The following DOCK10 variants were observed in gnomAD, a reference collection of about 807,000 sequenced individuals.
DOCK10 encodes the protein dedicator of cytokinesis 10, also known as dedicator of cytokinesis protein 10.
In DOCK10, 145 loss-of-function variants were observed where a neutral mutation model predicts 280.1. That is an observed-to-expected ratio of 0.52 (90% CI 0.45 to 0.59). The LOEUF is 0.59. Among genes scored for constraint, DOCK10 ranks in the 20% least tolerant of loss-of-function variants. DOCK10 has a pLI of 0.00. For synonymous variants in DOCK10, 915 were observed against 942.2 expected (o/e 0.97, Z 0.53); for missense variants, 2,368 against 2,651.7 (o/e 0.89, Z 2.35).
chr2:224,852,425 C>T lies in DOCK10; in HGVS notation c.2094G>A (p.Val698=). ...CATCTGAATTTTTGAATTCAATGCA[C>T]ACAGTTATATTCCGTGCCTGAAATT... The part of the protein sequence containing the change: ...KCFNKARNIT[V]CIEFKNSDEE... The change falls in exon 18 of 56, where the codon GTG becomes GTA. Residue 698 remains valine (V), a synonymous_variant. Transcript: ENST00000258390. 1 of 1,568,168 alleles carries T rather than the reference C, an allele frequency of 6.4e-7. No individual in the cohort carries two copies. The highest frequency in any genetic ancestry group is 8.7e-7 in the Non-Finnish European group (1 of 1,155,336).
intron 1 of DOCK10, among the ~76,000 whole-genome samples, chr2:224,936,488 G>A (rs544096019): frequency 7.5e-4 from 114 of 152,212 alleles, no homozygotes; most frequent in African/African-American, 2.6e-3. Context: ...GCACCAACTA[G>A]CTAAAAATGA....
chr2:224,977,496 G>T (rs1705506597), intron 1 of DOCK10, among the ~76,000 whole-genome samples: 1 of 152,108 alleles, frequency 6.6e-6, no homozygotes, highest in East Asian at 1.9e-4. Flanking sequence ...GGAAATAATA[G>T]ACATTAACCA....
intron 1 of DOCK10, among the ~76,000 whole-genome samples, chr2:224,974,818 T>A (rs1420675578): frequency 2.3e-5 from 3 of 129,182 alleles, no homozygotes; most frequent in South Asian, 2.5e-4. Context: ...ATTATATATA[T>A]AATATATATA....
At chr2:224,768,530 T>C (rs1490299834) in intron 55 of DOCK10, among the ~76,000 whole-genome samples, 1 of 152,226 alleles carries the variant, frequency 6.6e-6, no homozygotes, top group South Asian at 2.1e-4. Flanking sequence ...AGAGATGATT[T>C]TTCTCTCCCC....
intron 30 of DOCK10, among the ~76,000 whole-genome samples, chr2:224,815,120 T>G (rs1694043588): frequency 6.6e-6 from 1 of 152,134 alleles, no homozygotes; most frequent in Non-Finnish European, 1.5e-5. Context: ...GTTTCCCCCG[T>G]GCTGTTCTCA....
intron 1 of DOCK10, among the ~76,000 whole-genome samples, chr2:225,009,481 A>T (rs1689371882): frequency 6.6e-6 from 1 of 152,204 alleles, no homozygotes; most frequent in African/African-American, 2.4e-5. Context: ...TTTTGCAATT[A>T]TTCTTCATGC....
At position 224,864,675 on chromosome 2, in the gene DOCK10, C is replaced by T. The variant is rs1040735843; in HGVS notation, c.1480G>A (p.Ala494Thr). 2.5e-6 allele frequency: 4 copies of T among 1,605,938 alleles called. No homozygotes were observed. The highest frequency in any genetic ancestry group is 1.1e-5 in the South Asian group (1 of 89,058). ...TGTGGATTGCTTACAGAAAATACAG[C>T]CTGTGTACAAAGAAAGCAGCTAATA... ...PEEWLKFPKQ[A>T]VFSVSNPHSE... Residue 494 changes from alanine (A) to threonine (T), a missense_variant and splice_region_variant, in exon 13 of 56, where the codon GCT becomes ACT. Transcript: ENST00000258390.
chr2:224,977,155 G>A (rs975191240), intron 1 of DOCK10, among the ~76,000 whole-genome samples: 2 of 152,180 alleles, frequency 1.3e-5, no homozygotes, highest in Non-Finnish European at 2.9e-5. Context: ...TCAAGACAAA[G>A]CCATATTTGG....
intron 1 of DOCK10, among the ~76,000 whole-genome samples, chr2:225,029,332 T>C (rs1019245276): frequency 2.6e-5 from 4 of 152,148 alleles, no homozygotes; most frequent in Non-Finnish European, 5.9e-5. Context: ...CCACCACAGT[T>C]GGCTAACTTT....
chr2:224,819,415 G>T, intron 29 of DOCK10, 31 bp downstream of exon 29: 1 of 1,423,614 alleles, frequency 7.0e-7, no homozygotes, highest in East Asian at 2.3e-5. Context: ...CCATAGTTTA[G>T]AAAACAATCA....
intron 1 of DOCK10, among the ~76,000 whole-genome samples, chr2:225,040,264 G>A (rs1005150453): frequency 5.9e-5 from 9 of 152,124 alleles, no homozygotes; most frequent in Non-Finnish European, 1.2e-4. Context: ...AGTATGCAAA[G>A]CACATGCGTT....
intron 1 of DOCK10, among the ~76,000 whole-genome samples, chr2:224,992,218 T>C (rs1706146027): frequency 6.6e-6 from 1 of 152,260 alleles, no homozygotes; most frequent in Non-Finnish European, 1.5e-5. Context: ...TGTTCTATTT[T>C]ATTTTCTGTG....
chr2:224,998,732 C>T (rs1706344799), intron 1 of DOCK10, among the ~76,000 whole-genome samples: 2 of 152,164 alleles, frequency 1.3e-5, no homozygotes, highest in Non-Finnish European at 1.5e-5. Context: ...TCTTCTTTTC[C>T]CATTCACTCT....
chr2:225,016,548 TGCA>T (rs1238401700), intron 1 of DOCK10, among the ~76,000 whole-genome samples: 29 of 143,988 alleles, frequency 2.0e-4, no homozygotes, highest in African/African-American at 7.4e-4. Flanking sequence ...TATATCTATA[TGCA>T]CATAGATACA....
At chr2:224,879,078 CATAGA>C (rs1400941726) in intron 7 of DOCK10, among the ~76,000 whole-genome samples, 2 of 152,122 alleles carry the variant, frequency 1.3e-5, no homozygotes, top group East Asian at 3.8e-4. Context: ...TCTATGAGAA[CATAGA>C]ATAGAAGTAT....
At chr2:224,954,327 T>C (rs953034894) in intron 1 of DOCK10, among the ~76,000 whole-genome samples, 2 of 152,164 alleles carry the variant, frequency 1.3e-5, no homozygotes, top group African/African-American at 4.8e-5. Context: ...AAAATTATAG[T>C]CCAGAGATAT....
In DOCK10 at chr2:224,797,110, A is replaced by G. The variant is rs1321691243; in HGVS notation, c.4681T>C (p.Cys1561Arg). The change falls in exon 43 of 56, where the codon TGT (cysteine) becomes CGT (arginine). Residue 1561 changes from cysteine to arginine, a missense_variant. Coordinates refer to ENST00000258390, the MANE Select transcript of DOCK10 (RefSeq NM_014689.3). ...AGGACTTCGTAACAGAATGATCCAC[A>G]GAGGTCAGCAGGCCCTTGAAAGAAC... The part of the protein sequence containing the change: ...SAFFQGPADL[C>R]GSFCYEVLKC... The G allele has an allele frequency of 3.1e-6, 5 of 1,612,418 alleles. No individual in the cohort carries two copies. Among genetic ancestry groups the G allele is most frequent in the Non-Finnish European group, 4.2e-6 (5 of 1,179,188 alleles).
chr2:224,854,962 C>T lies in DOCK10; in HGVS notation c.1888+1G>A. 1.9e-6 allele frequency: 3 copies of T among 1,604,230 alleles called. No individual in the cohort carries two copies. Among genetic ancestry groups the T allele is most frequent in the Non-Finnish European group, 2.6e-6 (3 of 1,173,902 alleles). ...ACCAAACCATGACATCATCATCATA[C>T]TTGGATGCTCCAAGGGAACGTTGTC... On this transcript the variant is annotated splice_donor_variant, in intron 16 of 55. Transcript: ENST00000258390. LOFTEE classifies it high-confidence loss of function.
chr2:224,766,985 C>T (rs762615337), intron 55 of DOCK10, among the ~76,000 whole-genome samples: 2 of 152,148 alleles, frequency 1.3e-5, no homozygotes, highest in Non-Finnish European at 2.9e-5. Flanking sequence ...TAGATGTCTT[C>T]AAAATACTCC....
Sources: gnomAD v4.1 joint callset for allele counts (sites outside exome capture counted in the v4.1 genomes callset) on GRCh38, gnomAD v4.1.1 for gene constraint, MANE v1.5 for transcripts, NCBI Gene and HGNC (gene_info 2026-07-23, HGNC 2026-07-21) for gene names.